Variants in ARHGAP26 observed in about 807,000 individuals in gnomAD.
ARHGAP26 encodes the protein Rho GTPase activating protein 26.
ARHGAP26 carries 38 observed loss-of-function variants against 104.8 expected under a neutral mutation model. The ratio of observed to expected loss-of-function variants is 0.36; its 90% CI spans 0.28 to 0.48. The LOEUF (loss-of-function observed/expected upper bound fraction) is 0.48. Ranked by LOEUF, ARHGAP26 falls within the 20% of genes least tolerant of loss-of-function variation. The pLI is 0.99. For synonymous variants in ARHGAP26, 341 were observed against 340.0 expected (o/e 1.00, Z -0.03); for missense variants, 704 against 947.9 (o/e 0.74, Z 3.38).
intron 1 of ARHGAP26, among the ~76,000 whole-genome samples, chr5:142,785,963 G>C (rs1758524532): frequency 6.6e-6 from 1 of 150,610 alleles, no homozygotes; most frequent in African/African-American, 2.5e-5. Flanking sequence ...CCAGGGAGGT[G>C]ACTGATCCCT....
chr5:143,140,668 G>T (rs551533843), intron 19 of ARHGAP26, among the ~76,000 whole-genome samples: 1 of 151,896 alleles, frequency 6.6e-6, no homozygotes, highest in African/African-American at 2.4e-5. Context: ...GATTCCCCCC[G>T]GCCCCTGAGA....
intron 20 of ARHGAP26, chr5:143,166,064 G>A (rs1298111494): frequency 7.6e-7 from 1 of 1,323,876 alleles, no homozygotes; most frequent in Admixed American, 2.3e-5. Context: ...GGGTTGTACT[G>A]AGGTGCAGAG....
chr5:143,077,898 A>G (rs1340159712), intron 17 of ARHGAP26, among the ~76,000 whole-genome samples: 2 of 152,000 alleles, frequency 1.3e-5, no homozygotes, highest in Non-Finnish European at 2.9e-5. Flanking sequence ...CAGACTGAGC[A>G]TATCTCCCCT....
chr5:143,148,953 G>T (rs1394906024), intron 20 of ARHGAP26, among the ~76,000 whole-genome samples: 2 of 152,166 alleles, frequency 1.3e-5, no homozygotes, highest in East Asian at 1.9e-4. Context: ...CTTTTCAGTG[G>T]CTGGTAACTG....
intron 11 of ARHGAP26, among the ~76,000 whole-genome samples, chr5:142,956,778 G>T (rs2152639095): frequency 6.6e-6 from 1 of 152,278 alleles, no homozygotes; most frequent in South Asian, 2.1e-4. Flanking sequence ...GGCTGGGGAA[G>T]GCCTCACAAT....
chr5:142,933,952 A>G (rs1456063466), intron 11 of ARHGAP26, among the ~76,000 whole-genome samples: 1 of 152,228 alleles, frequency 6.6e-6, no homozygotes, highest in Non-Finnish European at 1.5e-5. Context: ...TCATTTTTAC[A>G]GTACTTTCAC....
chr5:143,030,272 G>A (rs541311380), intron 12 of ARHGAP26, among the ~76,000 whole-genome samples: 1 of 152,216 alleles, frequency 6.6e-6, no homozygotes, highest in African/African-American at 2.4e-5. Context: ...TGACCCTCAG[G>A]CCTCAGGCCC....
intron 20 of ARHGAP26, among the ~76,000 whole-genome samples, chr5:143,162,536 C>G (rs1202287910): frequency 6.6e-6 from 1 of 152,198 alleles, no homozygotes; most frequent in African/African-American, 2.4e-5. Flanking sequence ...CCAAGGTAAT[C>G]ATCCCAGACA....
chr5:143,186,086 G>T (rs1805093211), intron 20 of ARHGAP26, among the ~76,000 whole-genome samples: 1 of 152,180 alleles, frequency 6.6e-6, no homozygotes, highest in South Asian at 2.1e-4. Flanking sequence ...CCACCCTCAA[G>T]AAAGCCATTC....
intron 20 of ARHGAP26, among the ~76,000 whole-genome samples, chr5:143,152,356 C>G (rs187267027): frequency 6.6e-6 from 1 of 152,264 alleles, no homozygotes; most frequent in East Asian, 1.9e-4. Flanking sequence ...AACTTTCATG[C>G]AATTTTTCTG....
chr5:142,960,023 C>T (rs1769951491), intron 11 of ARHGAP26, among the ~76,000 whole-genome samples: 1 of 152,254 alleles, frequency 6.6e-6, no homozygotes, highest in African/African-American at 2.4e-5. Context: ...GCAGCAATGA[C>T]TATCACAAAC....
At chr5:142,893,493 T>G (rs1759011298) in intron 5 of ARHGAP26, among the ~76,000 whole-genome samples, 1 of 152,250 alleles carries the variant, frequency 6.6e-6, no homozygotes, top group Non-Finnish European at 1.5e-5. Context: ...TATTTATCCA[T>G]TCATCCATTG....
chr5:142,895,132 A>AT (rs1440577626), intron 6 of ARHGAP26, among the ~76,000 whole-genome samples: 6 of 152,158 alleles, frequency 3.9e-5, no homozygotes, highest in Admixed American at 6.5e-5. Flanking sequence ...CAGACCATGG[A>AT]TTTTCCAGCC....
chr5:142,908,954 G>A (rs777901814), intron 9 of ARHGAP26: 1 of 166,270 alleles, frequency 6.0e-6, no homozygotes, highest in Non-Finnish European at 1.5e-5. Flanking sequence ...TTTTCTCTTT[G>A]CTCCTATGCT....
At chr5:142,907,613 A>C (rs1040760954) in intron 8 of ARHGAP26, 91 bp from the exon 9 acceptor site, 2 of 708,992 alleles carry the variant, frequency 2.8e-6, no homozygotes, top group Non-Finnish European at 4.7e-6. Flanking sequence ...GTAGATGAGC[A>C]TTATGAATTA....
intron 1 of ARHGAP26, among the ~76,000 whole-genome samples, chr5:142,867,645 G>A (rs1323834875): frequency 6.6e-6 from 1 of 152,112 alleles, no homozygotes; most frequent in East Asian, 1.9e-4. Flanking sequence ...CAGCAGTTGG[G>A]TTGTATGTAG....
chr5:142,858,022 G>GGAGAGGGAGAGAGAAGGAATGA (rs1752642433), intron 1 of ARHGAP26, among the ~76,000 whole-genome samples: 1 of 149,110 alleles, frequency 6.7e-6, no homozygotes, highest in Non-Finnish European at 1.5e-5. Context: ...AAAGAGAGAG[G>GGAGAGGGAGAGAGAAGGAATGA]GAGAGGGAGA....
chr5:142,805,704 G>A (rs1349694409), intron 1 of ARHGAP26, among the ~76,000 whole-genome samples: 3 of 152,248 alleles, frequency 2.0e-5, no homozygotes, highest in African/African-American at 7.2e-5. Flanking sequence ...AACCCAGAAA[G>A]ATGAGCTGGA....
At chr5:143,134,839 C>T (rs936039182) in intron 19 of ARHGAP26, among the ~76,000 whole-genome samples, 2 of 152,242 alleles carry the variant, frequency 1.3e-5, no homozygotes, top group African/African-American at 4.8e-5. Flanking sequence ...GGAAGTTATG[C>T]GAATTAAATG....
Sources: allele counts gnomAD v4.1 joint callset (sites outside exome capture counted in the v4.1 genomes callset), GRCh38; gene constraint gnomAD v4.1.1; transcripts MANE v1.5; gene names NCBI Gene and HGNC (gene_info 2026-07-23, HGNC 2026-07-21).